Variants in KDM4C observed in about 807,000 individuals in gnomAD.
KDM4C encodes the protein lysine-specific demethylase 4C.
A neutral mutation model predicts 129.3 loss-of-function variants in KDM4C; 81 were observed. That is an observed-to-expected ratio of 0.63 (90% confidence interval 0.52 to 0.75). KDM4C has a LOEUF of 0.75. Ranked by LOEUF, KDM4C falls within the 30% of genes least tolerant of loss-of-function variation. KDM4C has a pLI of 0.00. For synonymous variants in KDM4C, 573 were observed against 456.1 expected (o/e 1.26, Z -3.26); for missense variants, 1,457 against 1,304.0 (o/e 1.12, Z -1.81).
chr9:7,052,900 A>AGAGAGAGAGAGAGC (rs1564049799), intron 17 of KDM4C, among the ~76,000 whole-genome samples: 1 of 10,004 alleles, frequency 1.0e-4, no homozygotes, highest in Non-Finnish European at 2.0e-4. Flanking sequence ...AGAGAGAGAG[A>AGAGAGAGAGAGAGC]GCGAGCGAGT....
chr9:6,790,676 A>T lies in KDM4C; in HGVS notation c.-17-2296A>T, dbSNP rs7853964. ...CAGCAAAAAAAAAAAAAAAAAAAAA[A>T]AAAAAAGAGGAAAACTTTTTTCCAG... On this transcript the variant is annotated intron_variant, in intron 1 of 21. Transcript: ENST00000381309. 8.1e-3 allele frequency among the ~76,000 whole-genome samples: 1,208 copies of T among 149,576 alleles called. 18 individuals are homozygous for T. Among genetic ancestry groups the T allele is most frequent in the African/African-American group, 0.028 (1,137 of 40,726 alleles).
intron 19 of KDM4C, among the ~76,000 whole-genome samples, chr9:7,154,496 G>A (rs12343985): frequency 0.017 from 2,627 of 152,288 alleles, 71 homozygotes; most frequent in African/African-American, 0.06. Context: ...CAACATTTGA[G>A]GACAGCAGCT....
chr9:6,904,889 A>G (rs1297174384), intron 8 of KDM4C, among the ~76,000 whole-genome samples: 1 of 152,212 alleles, frequency 6.6e-6, no homozygotes, highest in Non-Finnish European at 1.5e-5. Flanking sequence ...TGGGAATAAC[A>G]CAAAAGAAAA....
rs141240115 is a variant in KDM4C, at chr9:7,109,633, T to G, written c.2610+5763T>G. ...CTAATTTATATCAGTGGGTAGGACT[T>G]CGCTTAGCTTACTTTATGTTACTTG... On this transcript the variant is annotated intron_variant, in intron 18 of 21. Transcript: ENST00000381309. 4.6e-3 allele frequency among the ~76,000 whole-genome samples: 707 copies of G among 152,340 alleles called. 7 individuals carry two copies. Among genetic ancestry groups the G allele is most frequent in the African/African-American group, 0.013 (550 of 41,576 alleles).
rs60503128 is a variant in KDM4C at position 6,779,032 on chromosome 9, C to CTT, written c.-17-13927_-17-13926dup. On this transcript the variant is annotated intron_variant, in intron 1 of 21. Transcript: ENST00000381309. ...CTACCTCACCAGGCCTGATTAAAGT[C>CTT]TTTTTTTTTTTTTTGAGATGGAGTC... is the stretch of plus-strand genomic sequence containing the variant. Among the ~76,000 whole-genome samples the CTT allele has an allele frequency of 6.4e-4, 61 of 94,624 alleles. 1 individual carries two copies. The highest frequency in any genetic ancestry group is 1.1e-3 in the Admixed American group (9 of 8,320). The allele number at this position is 94,624 out of a possible 152,430, so 62.1% of individuals were successfully genotyped here.
At chr9:6,889,709 T>C (rs181795429) in intron 7 of KDM4C, among the ~76,000 whole-genome samples, 89 of 152,356 alleles carry the variant, frequency 5.8e-4, no homozygotes, top group Admixed American at 2.4e-3. Flanking sequence ...CGTGAAGGAA[T>C]GCAACAGTAT....
At chr9:7,103,264 T>TTTG (rs1385830791) in intron 17 of KDM4C, among the ~76,000 whole-genome samples, 3 of 152,224 alleles carry the variant, frequency 2.0e-5, no homozygotes, top group Non-Finnish European at 4.4e-5. Context: ...TAGGAAAGAA[T>TTTG]GACCTGTCCT....
At chr9:7,024,480 C>T (rs1260238689) in intron 15 of KDM4C, among the ~76,000 whole-genome samples, 1 of 151,662 alleles carries the variant, frequency 6.6e-6, no homozygotes, top group Admixed American at 6.6e-5. Context: ...CTATCCCTCC[C>T]CCGTCCCCCC....
At chr9:7,038,660 G>A (rs1828053054) in intron 15 of KDM4C, among the ~76,000 whole-genome samples, 1 of 151,878 alleles carries the variant, frequency 6.6e-6, no homozygotes. Context: ...CTTCTCCATA[G>A]ATTCAAATAT....
rs559404513 is a variant in KDM4C, at chr9:7,166,304, T to TAA, written c.2901+948_2901+949dup. Among the ~76,000 whole-genome samples the TAA allele has an allele frequency of 2.4e-3, 360 of 152,304 alleles. 2 individuals are homozygous for TAA. Among genetic ancestry groups the TAA allele is most frequent in the Non-Finnish European group, 3.7e-3 (249 of 68,020 alleles). On this transcript the variant is annotated intron_variant, in intron 20 of 21. Coordinates refer to ENST00000381309, the MANE Select transcript of KDM4C (RefSeq NM_015061.6). ...AGAGCTTAAATGGAAGAGTGCATTG[T>TAA]AAGATACTGCGTCAGGACCTGGAGC...
At chr9:6,895,656 T>G (rs1816296258) in intron 8 of KDM4C, among the ~76,000 whole-genome samples, 1 of 152,096 alleles carries the variant, frequency 6.6e-6, no homozygotes, top group Non-Finnish European at 1.5e-5. Context: ...AACTAGCACT[T>G]TGGGAGGCTG....
At chr9:7,062,696 T>C (rs895613146) in intron 17 of KDM4C, among the ~76,000 whole-genome samples, 23 of 152,198 alleles carry the variant, frequency 1.5e-4, no homozygotes, top group African/African-American at 2.2e-4. Context: ...CTTTTTTTTT[T>C]CCCCACCATT....
intron 18 of KDM4C, 118 bp from the exon 19 acceptor site, chr9:7,127,948 T>C: frequency 2.1e-6 from 2 of 948,564 alleles, no homozygotes; most frequent in Middle Eastern, 2.5e-4. Context: ...TTAAAAATTT[T>C]TTTTTTAAAT....
At chr9:7,017,085 G>A (rs577127978) in intron 15 of KDM4C, among the ~76,000 whole-genome samples, 15 of 152,118 alleles carry the variant, frequency 9.9e-5, no homozygotes, top group South Asian at 6.2e-4. Context: ...ACAGGCATGC[G>A]CCACCATGCC....
chr9:6,835,625 C>T lies in KDM4C; in HGVS notation c.436-13882C>T. 4.9e-6 allele frequency: 4 copies of T among 823,154 alleles called. No homozygotes were observed. The Admixed American group carries it at 6.9e-5, about 14-fold the overall frequency. 51.0% of individuals were successfully genotyped at this position (823,154 alleles called of 1,614,324 possible). A position where few individuals can be genotyped will look rare whatever the true frequency, so the allele number is the denominator to read the frequency against. On this transcript the variant is annotated intron_variant, in intron 4 of 21. Transcript: ENST00000381309. Reference sequence around the variant, plus strand: ...TACACCCTTTCTTGACAAAACCTGACTTGTGCAGAAAACAAGATGAGATTG... The same window carrying T: ...TACACCCTTTCTTGACAAAACCTGATTTGTGCAGAAAACAAGATGAGATTG...
intron 6 of KDM4C, among the ~76,000 whole-genome samples, chr9:6,886,534 C>T (rs891026176): frequency 4.0e-5 from 6 of 149,360 alleles, no homozygotes; most frequent in Non-Finnish European, 7.4e-5. Flanking sequence ...CTCTGTCATC[C>T]AGGCTGGAGT....
At chr9:6,989,908 G>T (rs558107947) in intron 11 of KDM4C, among the ~76,000 whole-genome samples, 1 of 151,150 alleles carries the variant, frequency 6.6e-6, no homozygotes, top group Non-Finnish European at 1.5e-5. Flanking sequence ...CTGAGGACCT[G>T]GGACCACAGG....
At chr9:6,956,082 A>G (rs1263517404) in intron 8 of KDM4C, among the ~76,000 whole-genome samples, 1 of 151,950 alleles carries the variant, frequency 6.6e-6, no homozygotes, top group Non-Finnish European at 1.5e-5. Context: ...TGGTAGAAGG[A>G]TGGTTACCAG....
chr9:6,756,942 A>C (rs969264715), upstream of KDM4C, among the ~76,000 whole-genome samples: 1 of 152,190 alleles, frequency 6.6e-6, no homozygotes, highest in South Asian at 2.1e-4. Context: ...ATATTAGCCC[A>C]ACTTTGCTCA....
Sources: allele counts gnomAD v4.1 joint callset (sites outside exome capture counted in the v4.1 genomes callset), GRCh38; gene constraint gnomAD v4.1.1; transcripts MANE v1.5; gene names NCBI Gene and HGNC (gene_info 2026-07-23, HGNC 2026-07-21).